The following NCOA2 variants were observed in gnomAD, a reference collection of about 807,000 sequenced individuals.
NCOA2 encodes the protein nuclear receptor coactivator 2, also known as class E basic helix-loop-helix protein 75.
In NCOA2, 21 loss-of-function variants were observed where a neutral mutation model predicts 145.1. That is an observed-to-expected ratio of 0.14 (90% CI 0.10 to 0.21). NCOA2 has a LOEUF of 0.21. Ranked by LOEUF, NCOA2 falls within the 10% of genes least tolerant of loss-of-function variation. The pLI is 1.00. For missense variants in NCOA2, 1,472 were observed against 1,837.6 expected, an observed-to-expected ratio of 0.80 and a Z score of 3.64; for synonymous variants, 619 against 637.5, an observed-to-expected ratio of 0.97 and a Z score of 0.44.
At chr8:70,260,251 C>G (rs1223383802) in intron 2 of NCOA2, among the ~76,000 whole-genome samples, 1 of 152,060 alleles carries the variant, frequency 6.6e-6, no homozygotes, top group East Asian at 1.9e-4. Context: ...TATCACAGCT[C>G]ACCGCAGCCT....
At chr8:70,187,742 G>C (rs989970199) in intron 4 of NCOA2, among the ~76,000 whole-genome samples, 1 of 152,090 alleles carries the variant, frequency 6.6e-6, no homozygotes, top group Admixed American at 6.6e-5. Context: ...CTTAAAATTA[G>C]TTTTGTTTTA....
intron 6 of NCOA2, among the ~76,000 whole-genome samples, chr8:70,168,467 A>G (rs4738074): frequency 0.056 from 8,549 of 152,140 alleles, 301 homozygotes; most frequent in East Asian, 0.16. Context: ...TACAGGCACG[A>G]GCCACCATGC....
the NCOA2 span, chr8:70,424,195 C>G: frequency 1.5e-4 from 41 of 281,508 alleles, no homozygotes; most frequent in African/African-American, 8.4e-4. Flanking sequence ...GCTTCAGACA[C>G]GAAGACCCCA....
chr8:70,444,833 C>T, the NCOA2 span, among the ~76,000 whole-genome samples: 5 of 152,156 alleles, frequency 3.3e-5, no homozygotes, highest in African/African-American at 1.2e-4. Flanking sequence ...TCTGAAGGGG[C>T]ACCCCAGCAT....
chr8:70,153,162 T>C (rs1319013719), intron 11 of NCOA2, among the ~76,000 whole-genome samples: 1 of 152,228 alleles, frequency 6.6e-6, no homozygotes, highest in Non-Finnish European at 1.5e-5. Context: ...GGTGGAGTTT[T>C]ACATGAGAGT....
At chr8:70,130,195 A>G (rs13260857) in intron 16 of NCOA2, among the ~76,000 whole-genome samples, 6 of 152,026 alleles carry the variant, frequency 3.9e-5, no homozygotes, top group African/African-American at 9.7e-5. Flanking sequence ...AAACACAAAA[A>G]CATCTCAGAA....
At chr8:70,403,398 T>C (rs1330502316) in intron 1 of NCOA2, among the ~76,000 whole-genome samples, 2 of 150,944 alleles carry the variant, frequency 1.3e-5, no homozygotes, top group African/African-American at 4.9e-5. Flanking sequence ...TCTCCTGAGC[T>C]CTCGCAAGGC....
chr8:70,273,615 CT>C, intron 2 of NCOA2: 1 of 742,754 alleles, frequency 1.3e-6, no homozygotes, highest in Non-Finnish European at 2.4e-6. Flanking sequence ...GCAGTGAACA[CT>C]TTCACCATTA....
chr8:70,130,614 G>T (rs1222770727), intron 16 of NCOA2, among the ~76,000 whole-genome samples: 1 of 152,094 alleles, frequency 6.6e-6, no homozygotes, highest in Non-Finnish European at 1.5e-5. Flanking sequence ...ATATGAATTG[G>T]TAAGTCACAA....
rs1383360415 is a variant in NCOA2, at chr8:70,351,843, A to G, written c.-77+51857T>C. Among the ~76,000 whole-genome samples the G allele has an allele frequency of 4.0e-5, 6 of 151,092 alleles. No homozygotes were observed. In the East Asian group the frequency reaches 9.8e-4, roughly 25 times the overall value. On this transcript the variant is annotated intron_variant, in intron 1 of 22. Coordinates refer to ENST00000452400, the MANE Select transcript of NCOA2 (RefSeq NM_006540.4). The stretch of plus-strand genomic sequence containing the variant: ...CTCCTGGCTCAAGCCTCATCCTCCC[A>G]AAGTGCTAGGACTACAGGTGTGAGC...
At position 70,112,532 on chromosome 8, in the gene NCOA2, AT is replaced by A; in HGVS notation, c.*1099del. On this transcript the variant is annotated 3_prime_UTR_variant, in exon 23 of 23. Coordinates refer to ENST00000452400, the MANE Select transcript of NCOA2 (RefSeq NM_006540.4). ...TTTAAACACACTGGCGTTTTCTCCCATTTTGGAGGCCAGAGTTGCTGGGGAA... is the reference window on the plus strand; with the variant it reads ...TTTAAACACACTGGCGTTTTCTCCCATTTGGAGGCCAGAGTTGCTGGGGAA... 1 of 205,454 alleles carries A rather than the reference AT, an allele frequency of 4.9e-6. No individual in the cohort carries two copies. The highest frequency in any genetic ancestry group is 9.9e-6 in the Non-Finnish European group (1 of 100,504). The allele number at this position is 205,454 out of a possible 1,614,324, so 12.7% of individuals were successfully genotyped here. A position where few individuals can be genotyped will look rare whatever the true frequency, so the allele number is the denominator to read the frequency against.
At chr8:70,430,767 G>A in the NCOA2 span, among the ~76,000 whole-genome samples, 1 of 152,156 alleles carries the variant, frequency 6.6e-6, no homozygotes. Flanking sequence ...GTCATCAGAA[G>A]GAACTCTCAC....
the NCOA2 span, among the ~76,000 whole-genome samples, chr8:70,441,421 AAG>A: frequency 6.6e-6 from 1 of 150,678 alleles, no homozygotes; most frequent in African/African-American, 2.4e-5. Flanking sequence ...AAAGAAAACA[AAG>A]AGGGAGAAGA....
At chr8:70,340,421 C>T (rs562319853) in intron 1 of NCOA2, among the ~76,000 whole-genome samples, 5 of 152,110 alleles carry the variant, frequency 3.3e-5, no homozygotes, top group African/African-American at 1.2e-4. Flanking sequence ...GTCAGAATGG[C>T]GATTATTAAA....
intron 1 of NCOA2, among the ~76,000 whole-genome samples, chr8:70,317,536 G>A (rs192414155): frequency 6.6e-6 from 1 of 152,230 alleles, no homozygotes; most frequent in African/African-American, 2.4e-5. Flanking sequence ...AAAGAACTAA[G>A]TACTCCACCT....
chr8:70,371,050 G>A (rs1174331922), intron 1 of NCOA2, among the ~76,000 whole-genome samples: 1 of 152,158 alleles, frequency 6.6e-6, no homozygotes, highest in Non-Finnish European at 1.5e-5. Context: ...CACTTTGGGA[G>A]GCCGAGTCGG....
chr8:70,252,050 T>C (rs1260328646), intron 2 of NCOA2, among the ~76,000 whole-genome samples: 1 of 152,256 alleles, frequency 6.6e-6, no homozygotes, highest in Non-Finnish European at 1.5e-5. Context: ...TACAAGGTGC[T>C]ATGTAAATAA....
chr8:70,283,782 C>G (rs563669234), intron 2 of NCOA2, among the ~76,000 whole-genome samples: 1 of 152,088 alleles, frequency 6.6e-6, no homozygotes, highest in Admixed American at 6.6e-5. Flanking sequence ...GCATTGCACT[C>G]GCTAGTTGGC....
intron 19 of NCOA2, among the ~76,000 whole-genome samples, chr8:70,125,561 GTTTAAATTAAA>G (rs1369049712): frequency 1.3e-5 from 2 of 152,126 alleles, no homozygotes; most frequent in Non-Finnish European, 2.9e-5. Flanking sequence ...TGGCCAGATT[GTTTAAATTAAA>G]TTTAAATTGG....
Sources: gnomAD v4.1 joint callset for allele counts (sites outside exome capture counted in the v4.1 genomes callset) on GRCh38, gnomAD v4.1.1 for gene constraint, MANE v1.5 for transcripts, NCBI Gene and HGNC (gene_info 2026-07-23, HGNC 2026-07-21) for gene names.